E2F4: variants seen among roughly 807,000 people sequenced by gnomAD.
E2F4 encodes E2F transcription factor 4, also known as transcription factor E2F4.
In E2F4, 16 loss-of-function variants were observed where a neutral mutation model predicts 44.5. The observed-to-expected ratio is 0.36, with a 90% confidence interval of 0.24 to 0.55. The LOEUF is 0.55. Among genes scored for constraint, E2F4 ranks in the 20% least tolerant of loss-of-function variants. E2F4 has a pLI of 0.87. For synonymous variants in E2F4, 242 were observed against 207.2 expected (o/e 1.17, Z -1.44); for missense variants, 473 against 522.1 (o/e 0.91, Z 0.92).
intron 7 of E2F4, 83 bp from the exon 8 acceptor site, chr16:67,197,516 G>A (rs1184915298): frequency 1.4e-6 from 2 of 1,413,988 alleles, no homozygotes; most frequent in East Asian, 4.6e-5. Context: ...AGGGTGGGTG[G>A]TATAGGATCC....
Position 67,192,248 on chromosome 16 carries a change from G to T in E2F4, c.21G>T (p.Gln7His). The change falls in exon 1 of 10, where the codon CAG becomes CAT. Residue 7 changes from glutamine (Q) to histidine (H), a missense_variant. By Grantham distance (24) the Gln-to-His change is conservative (BLOSUM62 0). This residue lies in a region of E2F4 where 40 missense variants were observed against 30.8 expected (regional missense o/e 1.30). Coordinates refer to ENST00000379378, the MANE Select transcript of E2F4 (RefSeq NM_001950.4). MAEAGP[Q>H]APPPPGTPSR... ...GCGCGATGGCGGAGGCCGGGCCACA[G>T]GCGCCGCCGCCCCCGGGCACTCCAA... is the stretch of plus-strand genomic sequence containing the variant. 7.8e-7 allele frequency: 1 copy of T among 1,276,260 alleles called. No homozygotes were observed. The highest frequency in any genetic ancestry group is 9.9e-7 in the Non-Finnish European group (1 of 1,008,712). 79.1% of individuals were successfully genotyped at this position (1,276,260 alleles called of 1,614,324 possible). A position where few individuals can be genotyped will look rare whatever the true frequency, so the allele number is the denominator to read the frequency against.
In E2F4 at chr16:67,197,995, G is replaced by T; in HGVS notation, c.1127-13G>T. 1 of 1,614,102 alleles carries T rather than the reference G, an allele frequency of 6.2e-7. No homozygotes were observed. The highest frequency in any genetic ancestry group is 2.2e-5 in the East Asian group (1 of 44,882). ...AGCCCTGGCCCAGGGCCTGAGACTA[G>T]TGCTCTCTGCAGTGTTTGCCCCTCT... On this transcript the variant is annotated splice_polypyrimidine_tract_variant and intron_variant, in intron 9 of 9. Transcript: ENST00000379378.
chr16:67,195,580 GTCT>G (rs970631086), intron 6 of E2F4, 199 bp from the exon 7 acceptor site: 11 of 1,134,062 alleles, frequency 9.7e-6, no homozygotes, highest in African/African-American at 6.3e-5. Context: ...TTGACCACGA[GTCT>G]TCTTCTGTAG....
At position 67,195,928 on chromosome 16, in the gene E2F4, A is replaced by G. The variant is rs745390568; in HGVS notation, c.955A>G (p.Ser319Gly). 3 of 1,613,948 alleles carry G rather than the reference A, an allele frequency of 1.9e-6. No homozygotes were observed. The highest frequency in any genetic ancestry group is 2.5e-6 in the Non-Finnish European group (3 of 1,179,886). The change falls in exon 7 of 10, where the codon AGC (serine) becomes GGC (glycine). Residue 319 changes from serine (S) to glycine (G), a missense_variant. Around this residue, in one of 3 missense-constraint regions of E2F4, gnomAD observed 314 missense variants for 315.6 expected, o/e 0.99. Coordinates refer to ENST00000379378, the MANE Select transcript of E2F4 (RefSeq NM_001950.4). Reference sequence around the variant, plus strand: ...CAGCAGCAGCAGCAGCAGCAGCAGCAGCAACAGTAACAGCAGCAGTTCGTC... The same window carrying G: ...CAGCAGCAGCAGCAGCAGCAGCAGCGGCAACAGTAACAGCAGCAGTTCGTC... ...SSSSSSSSSS[S>G]NSNSSSSSGP...
At position 67,198,446 on chromosome 16, in the gene E2F4, GCAGTGTCTTGTTCCTGCCAGCCT is replaced by G. The variant is rs548881935; in HGVS notation, c.*334_*356del. 8.4e-4 allele frequency: 284 copies of G among 338,510 alleles called. 2 individuals carry two copies. The highest frequency in any genetic ancestry group is 6.1e-3 in the South Asian group (195 of 32,200). The allele number at this position is 338,510 out of a possible 1,614,324, so 21.0% of individuals were successfully genotyped here. A position where few individuals can be genotyped will look rare whatever the true frequency, so the allele number is the denominator to read the frequency against. On this transcript the variant is annotated 3_prime_UTR_variant, in exon 10 of 10. Transcript: ENST00000379378. Reference sequence around the variant, plus strand: ...GAGCTGCCATTACCCCCCATAGGGGGCAGTGTCTTGTTCCTGCCAGCCTCAGTGTCTTGCTTCTGCCAGCTCCT... The same window carrying G: ...GAGCTGCCATTACCCCCCATAGGGGGCAGTGTCTTGCTTCTGCCAGCTCCT...
chr16:67,193,784 A>G (rs1351891238), intron 4 of E2F4, among the ~76,000 whole-genome samples: 4 of 151,146 alleles, frequency 2.6e-5, no homozygotes, highest in Non-Finnish European at 1.5e-5. Context: ...TGGGTATGAT[A>G]GAGGCACAAG....
In E2F4 at chr16:67,193,068, C is replaced by G; in HGVS notation, c.305C>G (p.Ala102Gly). ...GCTGACAAACTGATTGAGCTCAAGG[C>G]AGAGATCGAGGAGCTGCAGCAGCGG... ...EIADKLIELKAEIEELQQREQ... is the reference protein window; with the variant it reads ...EIADKLIELKGEIEELQQREQ... Residue 102 changes from alanine to glycine, a missense_variant, in exon 3 of 10, where the codon GCA (alanine) becomes GGA (glycine). By Grantham distance (60) the Ala-to-Gly change is moderately conservative. Around this residue, in one of 3 missense-constraint regions of E2F4, gnomAD observed 119 missense variants for 175.6 expected, o/e 0.68. Coordinates refer to ENST00000379378, the MANE Select transcript of E2F4 (RefSeq NM_001950.4). 1 of 1,570,190 alleles carries G rather than the reference C, an allele frequency of 6.4e-7. No homozygotes were observed. The highest frequency in any genetic ancestry group is 1.9e-5 in the Admixed American group (1 of 52,986).
intron 1 of E2F4, 21 bp downstream of exon 1, chr16:67,192,383 A>C: frequency 7.1e-7 from 1 of 1,410,062 alleles, no homozygotes; most frequent in Non-Finnish European, 9.3e-7. Context: ...GGCTAAGGGG[A>C]GACAAGGGAG....
rs1567689381 is a variant in E2F4 at position 67,198,117 on chromosome 16, CCT to C, written c.1239_1240del (p.Ter414ThrfsTer15). The C allele has an allele frequency of 6.2e-7, 1 of 1,613,276 alleles. No homozygotes were observed. The highest frequency in any genetic ancestry group is 1.3e-5 in the African/African-American group (1 of 75,006). On this transcript the variant is annotated frameshift_variant, in exon 10 of 10. Coordinates refer to ENST00000379378, the MANE Select transcript of E2F4 (RefSeq NM_001950.4). LOFTEE classifies it high-confidence loss of function. ...ACCTCTTTGATGTGCCTGTTCTCAA[CCT>C]CTGACTGACAGGGACATGCCCTGTG... ...CDLFDVPVLN[L>X]
rs1260261200 is a variant in E2F4, at chr16:67,194,876, A to G, written c.704A>G (p.Gln235Arg). The change falls in exon 6 of 10, where the codon CAG becomes CGG. Residue 235 changes from glutamine (Q) to arginine (R), a missense_variant. Physicochemically the swap from Gln to Arg is conservative, Grantham distance 43. Coordinates refer to ENST00000379378, the MANE Select transcript of E2F4 (RefSeq NM_001950.4). Reference protein sequence around the residue: ...PPPLPKPALAQSQEASRPNSP... With the variant: ...PPPLPKPALARSQEASRPNSP... Reference sequence around the variant, plus strand: ...CCTCTGCCCAAGCCTGCCCTAGCCCAGTCCCAGGAAGCCTCACGTCCAAAT... The same window carrying G: ...CCTCTGCCCAAGCCTGCCCTAGCCCGGTCCCAGGAAGCCTCACGTCCAAAT... The G allele has an allele frequency of 1.2e-6, 2 of 1,614,114 alleles. No homozygotes were observed. Among genetic ancestry groups the G allele is most frequent in the South Asian group, 2.2e-5 (2 of 91,074 alleles).
intron 6 of E2F4, 45 bp downstream of exon 6, chr16:67,195,025 T>C: frequency 1.3e-6 from 2 of 1,583,542 alleles, no homozygotes; most frequent in Non-Finnish European, 1.7e-6. Flanking sequence ...AGAGGTAGTA[T>C]CTCTGTGTTG....
chr16:67,198,530 C>A lies in E2F4; in HGVS notation c.*407C>A. On this transcript the variant is annotated 3_prime_UTR_variant, in exon 10 of 10. Coordinates refer to ENST00000379378, the MANE Select transcript of E2F4 (RefSeq NM_001950.4). ...GGGAAGGGTGGGGTGGAACTGGGCA[C>A]ATGCCAGCACCACTTCTAGCTTCCT... 4.7e-6 allele frequency: 1 copy of A among 214,064 alleles called. No individual in the cohort carries two copies. Among genetic ancestry groups the A allele is most frequent in the Non-Finnish European group, 9.5e-6 (1 of 105,054 alleles). 13.3% of individuals were successfully genotyped at this position (214,064 alleles called of 1,614,324 possible). A position where few individuals can be genotyped will look rare whatever the true frequency, so the allele number is the denominator to read the frequency against.
intron 6 of E2F4, chr16:67,195,552 A>G: frequency 1.1e-6 from 1 of 880,654 alleles, no homozygotes; most frequent in Non-Finnish European, 1.7e-6. Flanking sequence ...GTCTTGAAGT[A>G]TGGCCACAGC....
Position 67,193,068 on chromosome 16 carries a change from C to T in E2F4, c.305C>T (p.Ala102Val), listed in dbSNP as rs1190458060. The T allele has an allele frequency of 5.1e-6, 8 of 1,570,072 alleles. No homozygotes were observed. Among genetic ancestry groups the T allele is most frequent in the East Asian group, 2.3e-5 (1 of 42,572 alleles). ...EIADKLIELK[A>V]EIEELQQREQ... is the part of the protein sequence containing the mutation. Reference sequence around the variant, plus strand: ...GCTGACAAACTGATTGAGCTCAAGGCAGAGATCGAGGAGCTGCAGCAGCGG... The same window carrying T: ...GCTGACAAACTGATTGAGCTCAAGGTAGAGATCGAGGAGCTGCAGCAGCGG... The change falls in exon 3 of 10, where the codon GCA (alanine) becomes GTA (valine). Residue 102 changes from alanine to valine, a missense_variant. Ala to Val is a moderately conservative substitution (Grantham distance 64). This residue lies in a region of E2F4 where 119 missense variants were observed against 175.6 expected (regional missense o/e 0.68). Coordinates refer to ENST00000379378, the MANE Select transcript of E2F4 (RefSeq NM_001950.4).
In E2F4 at chr16:67,195,878, C is replaced by T. The variant is rs774676096; in HGVS notation, c.905C>T (p.Ser302Phe). 13 of 1,611,314 alleles carry T rather than the reference C, an allele frequency of 8.1e-6. No individual in the cohort carries two copies. Among genetic ancestry groups the T allele is most frequent in the African/African-American group, 1.4e-5 (1 of 73,180 alleles). Reference sequence around the variant, plus strand: ...CTGGACACCCGGCCACTGCAGTCTTCTGCCCTGCTGGACAGCAGCAGCAGC... The same window carrying T: ...CTGGACACCCGGCCACTGCAGTCTTTTGCCCTGCTGGACAGCAGCAGCAGC... ...TTLDTRPLQS[S>F]ALLDSSSSSS... is the part of the protein sequence containing the mutation. Residue 302 changes from serine to phenylalanine, a missense_variant, in exon 7 of 10, where the codon TCT becomes TTT. Physicochemically the swap from Ser to Phe is radical, Grantham distance 155. Around this residue, in one of 3 missense-constraint regions of E2F4, gnomAD observed 314 missense variants for 315.6 expected, o/e 0.99. Transcript: ENST00000379378.
chr16:67,193,045 T>A lies in E2F4; in HGVS notation c.282T>A (p.Ala94=). The A allele has an allele frequency of 6.4e-7, 1 of 1,571,776 alleles. No individual in the cohort carries two copies. Among genetic ancestry groups the A allele is most frequent in the Non-Finnish European group, 8.6e-7 (1 of 1,157,722 alleles). ...CTGGCTGCAATACCCGGGAGATTGC[T>A]GACAAACTGATTGAGCTCAAGGCAG... ...VGPGCNTREI[A]DKLIELKAEI... The change falls in exon 3 of 10, where the codon GCT becomes GCA. Residue 94 remains alanine (A), a synonymous_variant. Transcript: ENST00000379378.
intron 7 of E2F4, among the ~76,000 whole-genome samples, chr16:67,197,107 G>T (rs944114455): frequency 6.6e-6 from 1 of 152,168 alleles, no homozygotes; most frequent in Admixed American, 6.5e-5. Context: ...GAACTCCTGA[G>T]CCTGGCATGT....
intron 6 of E2F4, chr16:67,195,556 C>T: frequency 1.1e-6 from 1 of 919,048 alleles, no homozygotes; most frequent in Non-Finnish European, 1.6e-6. Context: ...TGAAGTATGG[C>T]CACAGCAGAC....
rs2032903497 is a variant in E2F4 at position 67,192,538 on chromosome 16, A to T, written c.135+176A>T. The T allele has an allele frequency of 5.5e-6, 6 of 1,086,308 alleles. No individual in the cohort carries two copies. In the East Asian group the frequency reaches 1.6e-4, roughly 29 times the overall value. The allele number at this position is 1,086,308 out of a possible 1,614,324, so 67.3% of individuals were successfully genotyped here. On this transcript the variant is annotated intron_variant, in intron 1 of 9. Coordinates refer to ENST00000379378, the MANE Select transcript of E2F4 (RefSeq NM_001950.4). ...CATTCGGCCGAGGCCATCGAGCTACAGCTATGGGCCAGGCTCGGGCTGCAG... is the reference window on the plus strand; with the variant it reads ...CATTCGGCCGAGGCCATCGAGCTACTGCTATGGGCCAGGCTCGGGCTGCAG...
Sources: allele counts gnomAD v4.1 joint callset (sites outside exome capture counted in the v4.1 genomes callset), GRCh38; gene constraint gnomAD v4.1.1; regional missense constraint gnomAD v4.1.1; transcripts MANE v1.5; gene names NCBI Gene and HGNC (gene_info 2026-07-23, HGNC 2026-07-21).